The following NRP1 variants were observed in gnomAD, a reference collection of about 807,000 sequenced individuals.
NRP1 encodes the protein neuropilin-1.
Under a neutral mutation model 106.7 loss-of-function variants are expected in NRP1, and 35 were observed. The observed-to-expected ratio is 0.33, with a 90% CI of 0.25 to 0.43. The LOEUF is 0.43. Among genes scored for constraint, NRP1 ranks in the 20% least tolerant of loss-of-function variants. The pLI is 1.00. For synonymous variants in NRP1, 437 were observed against 417.9 expected, an observed-to-expected ratio of 1.05 and a Z score of -0.56; for missense variants, 1,024 against 1,170.4, an observed-to-expected ratio of 0.87 and a Z score of 1.83.
chr10:33,246,055 A>G (rs990564299), intron 6 of NRP1, among the ~76,000 whole-genome samples: 2 of 151,934 alleles, frequency 1.3e-5, no homozygotes, highest in Admixed American at 1.3e-4. Context: ...TAGTATAATC[A>G]TTGCACTGAT....
intron 2 of NRP1, among the ~76,000 whole-genome samples, chr10:33,289,985 G>T (rs1228698208): frequency 1.3e-5 from 2 of 152,034 alleles, no homozygotes; most frequent in Non-Finnish European, 2.9e-5. Flanking sequence ...TAAATCCAGG[G>T]GCTGAGGAGC....
intron 2 of NRP1, among the ~76,000 whole-genome samples, chr10:33,281,243 C>T (rs895950804): frequency 2.0e-5 from 3 of 151,988 alleles, no homozygotes; most frequent in Non-Finnish European, 4.4e-5. Flanking sequence ...AGAGACAGGG[C>T]TTCACCACAT....
intron 2 of NRP1, among the ~76,000 whole-genome samples, chr10:33,301,193 G>A (rs1845776916): frequency 6.6e-6 from 1 of 152,174 alleles, no homozygotes; most frequent in African/African-American, 2.4e-5. Context: ...GCAGAGTTTG[G>A]TGCATGGGGA....
intron 13 of NRP1, among the ~76,000 whole-genome samples, chr10:33,187,086 T>G (rs1234619553): frequency 1.3e-5 from 2 of 152,134 alleles, no homozygotes; most frequent in Non-Finnish European, 2.9e-5. Flanking sequence ...TTGCCCAGGC[T>G]AGTCTCAAAC....
At chr10:33,212,996 A>T (rs1838432495) in intron 9 of NRP1, 1 of 528,388 alleles carries the variant, frequency 1.9e-6, no homozygotes, top group African/African-American at 1.9e-5. Flanking sequence ...TAAAAGAAAC[A>T]AAGCACTTAA....
intron 2 of NRP1, among the ~76,000 whole-genome samples, chr10:33,313,912 G>A (rs768233354): frequency 1.4e-4 from 21 of 152,128 alleles, no homozygotes; most frequent in Admixed American, 5.9e-4. Context: ...AAATGCAAAC[G>A]TTTATTAGTT....
At chr10:33,295,176 G>A (rs61690327) in intron 2 of NRP1, among the ~76,000 whole-genome samples, 38 of 152,274 alleles carry the variant, frequency 2.5e-4, no homozygotes, top group African/African-American at 7.5e-4. Context: ...TGCCAAGTGC[G>A]GTGATAGGAA....
chr10:33,236,168 T>C (rs139292734), intron 6 of NRP1, among the ~76,000 whole-genome samples: 74 of 152,336 alleles, frequency 4.9e-4, no homozygotes, highest in African/African-American at 1.6e-3. Context: ...CCAAATGTAA[T>C]CCCTAGGAAT....
intron 2 of NRP1, among the ~76,000 whole-genome samples, chr10:33,310,582 C>T (rs1846530966): frequency 6.6e-6 from 1 of 152,160 alleles, no homozygotes; most frequent in African/African-American, 2.4e-5. Context: ...ACTAGTACCA[C>T]TGTTCTTTCG....
intron 2 of NRP1, among the ~76,000 whole-genome samples, chr10:33,277,111 T>TAA (rs547384604): frequency 8.0e-5 from 10 of 125,308 alleles, no homozygotes; most frequent in African/African-American, 2.9e-4. Flanking sequence ...TCTCTAAAAT[T>TAA]AAAAAAAAAA....
chr10:33,281,820 G>C (rs1787681001), intron 2 of NRP1, among the ~76,000 whole-genome samples: 1 of 152,188 alleles, frequency 6.6e-6, no homozygotes, highest in Non-Finnish European at 1.5e-5. Flanking sequence ...GGGATATGGA[G>C]AGAAGGAGAG....
intron 10 of NRP1, among the ~76,000 whole-genome samples, chr10:33,207,098 T>C (rs1837846989): frequency 6.6e-6 from 1 of 152,200 alleles, no homozygotes; most frequent in African/African-American, 2.4e-5. Flanking sequence ...CACAGACCTC[T>C]AAATAATATT....
At chr10:33,315,248 C>CT (rs1258382406) in intron 2 of NRP1, among the ~76,000 whole-genome samples, 1 of 152,176 alleles carries the variant, frequency 6.6e-6, no homozygotes, top group East Asian at 1.9e-4. Context: ...AAAATTCAAG[C>CT]TTTTAAAAAT....
intron 8 of NRP1, among the ~76,000 whole-genome samples, chr10:33,214,102 T>TA (rs1423697022): frequency 6.6e-6 from 1 of 152,134 alleles, no homozygotes; most frequent in Non-Finnish European, 1.5e-5. Context: ...GTCAATCCGA[T>TA]AGCAGGAAGG....
At chr10:33,253,988 C>G in intron 6 of NRP1, 40 bp downstream of exon 6, 2 of 1,553,868 alleles carry the variant, frequency 1.3e-6, no homozygotes, top group South Asian at 2.5e-5. Flanking sequence ...TGGTCAAAAA[C>G]TTATTCAATC....
chr10:33,222,337 TTTGACTTCATTCCTTGA>T (rs1172285679), intron 7 of NRP1, among the ~76,000 whole-genome samples: 1 of 152,178 alleles, frequency 6.6e-6, no homozygotes, highest in Non-Finnish European at 1.5e-5. Context: ...CGTTCTCCCC[TTTGACTTCATTCCTTGA>T]TGGAAGATCT....
chr10:33,333,644 T>C (rs1240562328), intron 1 of NRP1, among the ~76,000 whole-genome samples: 2 of 152,238 alleles, frequency 1.3e-5, no homozygotes, highest in Non-Finnish European at 2.9e-5. Flanking sequence ...CATGGTACTG[T>C]TTAGACCCCA....
chr10:33,180,687 A>G (rs1374477075), intron 16 of NRP1, among the ~76,000 whole-genome samples: 2 of 152,238 alleles, frequency 1.3e-5, no homozygotes, highest in Non-Finnish European at 2.9e-5. Context: ...ATAGGTGATC[A>G]TTAAGTTTTG....
chr10:33,250,450 T>C (rs758668412), intron 6 of NRP1, among the ~76,000 whole-genome samples: 4 of 152,174 alleles, frequency 2.6e-5, no homozygotes, highest in Non-Finnish European at 5.9e-5. Flanking sequence ...ACTTTCACCT[T>C]TCAGAGGGAT....
Sources: gnomAD v4.1 joint callset for allele counts (sites outside exome capture counted in the v4.1 genomes callset) on GRCh38, gnomAD v4.1.1 for gene constraint, MANE v1.5 for transcripts, NCBI Gene and HGNC (gene_info 2026-07-23, HGNC 2026-07-21) for gene names.